Variants in CELF2 observed in about 807,000 individuals in gnomAD.
CELF2 encodes CUGBP Elav-like family member 2.
In CELF2, 8 loss-of-function variants were observed where a neutral mutation model predicts 62.6. The observed-to-expected ratio is 0.13, with a 90% CI of 0.07 to 0.23. The LOEUF is 0.23. CELF2 is among the 10% of genes least tolerant of loss of function. The pLI is 1.00. For synonymous variants in CELF2, 258 were observed against 250.0 expected, an observed-to-expected ratio of 1.03 and a Z score of -0.30; for missense variants, 333 against 671.0, an observed-to-expected ratio of 0.50 and a Z score of 5.56.
At chr10:11,161,249 G>C (rs2065658178) in intron 1 of CELF2, among the ~76,000 whole-genome samples, 1 of 152,206 alleles carries the variant, frequency 6.6e-6, no homozygotes, top group Non-Finnish European at 1.5e-5. Flanking sequence ...TTGCAGACTT[G>C]CGGTCTTATT....
the CELF2 span, among the ~76,000 whole-genome samples, chr10:10,707,652 G>A: frequency 4.6e-5 from 7 of 152,164 alleles, no homozygotes; most frequent in South Asian, 2.1e-4. Context: ...AAGCAGAAGC[G>A]GACGAAATGA....
At chr10:10,467,467 G>A in the CELF2 span, among the ~76,000 whole-genome samples, 1 of 152,078 alleles carries the variant, frequency 6.6e-6, no homozygotes, top group African/African-American at 2.4e-5. Context: ...GTTCCACATT[G>A]TATTGATTAG....
chr10:11,224,236 A>G lies in CELF2; in HGVS notation c.354+6729A>G, dbSNP rs193075045. Among the ~76,000 whole-genome samples, 308 of 152,322 alleles carry G rather than the reference A, an allele frequency of 2.0e-3. 2 individuals carry two copies. Among genetic ancestry groups the G allele is most frequent in the African/African-American group, 7.1e-3 (294 of 41,570 alleles). On this transcript the variant is annotated intron_variant, in intron 3 of 12. Transcript: ENST00000633077. This position sits in a 1 kb window ranked among gnomAD's most constrained non-coding sequence, Gnocchi z 4.5. ...GTAGTCTCAGCTATATCCCTAATTA[A>G]TAGGACTGTTGCCAGGGCTTGTGTG...
chr10:10,729,778 A>G, the CELF2 span, among the ~76,000 whole-genome samples: 2 of 149,154 alleles, frequency 1.3e-5, no homozygotes, highest in African/African-American at 4.9e-5. Context: ...GATTGTCTCA[A>G]AAAAAAAAAA....
Position 11,012,267 on chromosome 10 carries a change from A to T in CELF2, c.53+6827A>T, listed in dbSNP as rs1354259064. On this transcript the variant is annotated intron_variant, in intron 1 of 12. Transcript: ENST00000416382. This position sits in a 1 kb window ranked among gnomAD's most constrained non-coding sequence, Gnocchi z 5.5. ...CATGTACTGGATCAGATATCTTCTG[A>T]TCCTAGTGACCACGAGCTCTTTGGG... 1.3e-5 allele frequency among the ~76,000 whole-genome samples: 2 copies of T among 152,200 alleles called. No individual in the cohort carries two copies. The highest frequency in any genetic ancestry group is 2.9e-5 in the Non-Finnish European group (2 of 68,032).
intron 1 of CELF2, among the ~76,000 whole-genome samples, chr10:10,843,119 G>A (rs1264762346): frequency 1.3e-5 from 2 of 151,872 alleles, no homozygotes; most frequent in African/African-American, 4.8e-5. Flanking sequence ...TTCAACGTCC[G>A]TGGGATTAGT....
At chr10:11,077,858 A>G (rs1395298883) in intron 1 of CELF2, among the ~76,000 whole-genome samples, 3 of 152,178 alleles carry the variant, frequency 2.0e-5, no homozygotes, top group East Asian at 1.9e-4. Context: ...GAAGAAAAAT[A>G]TGTAGGACAA....
chr10:10,888,518 G>T (rs1012969111), intron 1 of CELF2, among the ~76,000 whole-genome samples: 5 of 152,162 alleles, frequency 3.3e-5, no homozygotes, highest in Admixed American at 6.5e-5. Flanking sequence ...GGAAAACAGA[G>T]ACTTCGTTTT....
Position 10,928,242 on chromosome 10 carries a change from G to A in CELF2, c.89+8243G>A, listed in dbSNP as rs544754303. Among the ~76,000 whole-genome samples the A allele has an allele frequency of 6.6e-6, 1 of 152,228 alleles. No individual in the cohort carries two copies. The highest frequency in any genetic ancestry group is 2.1e-4 in the South Asian group (1 of 4,820). On this transcript the variant is annotated intron_variant, in intron 2 of 13. Coordinates refer to the CELF2 transcript ENST00000636488. This position sits in a 1 kb window ranked among gnomAD's most constrained non-coding sequence, Gnocchi z 4.8. ...GCCTGTCCGGTTTATTCCTCCATTT[G>A]TAGGACCCTGAACAGAACTGGCAGT...
rs1041590695 is a variant in CELF2, at chr10:10,993,730, A to G, written c.89+73731A>G. 1.3e-5 allele frequency among the ~76,000 whole-genome samples: 2 copies of G among 152,170 alleles called. No individual in the cohort carries two copies. The highest frequency in any genetic ancestry group is 2.9e-5 in the Non-Finnish European group (2 of 68,038). Reference sequence around the variant, plus strand: ...CCTGGATTGGATGTTTTCAGAAAGCATTGGATATCGATATGGACTCAGCTG... The same window carrying G: ...CCTGGATTGGATGTTTTCAGAAAGCGTTGGATATCGATATGGACTCAGCTG... On this transcript the variant is annotated intron_variant, in intron 2 of 13. Coordinates refer to the CELF2 transcript ENST00000636488. This position sits in a 1 kb window ranked among gnomAD's most constrained non-coding sequence, Gnocchi z 5.3.
Position 11,178,780 on chromosome 10 carries a change from T to A in CELF2, c.271+13098T>A, listed in dbSNP as rs1565118028. ...GAGATAAGAGTGGGGCCTATCGCTC[T>A]GTGGCTTTCTCCCCCTGCATTAGCC... is the stretch of plus-strand genomic sequence containing the variant. On this transcript the variant is annotated intron_variant, in intron 2 of 12. Transcript: ENST00000633077. This position sits in a 1 kb window ranked among gnomAD's most constrained non-coding sequence, Gnocchi z 4.3. Among the ~76,000 whole-genome samples the A allele has an allele frequency of 6.6e-6, 1 of 152,280 alleles. No homozygotes were observed. The highest frequency in any genetic ancestry group is 1.5e-5 in the Non-Finnish European group (1 of 68,056).
intron 1 of CELF2, among the ~76,000 whole-genome samples, chr10:10,820,322 T>A (rs1485674644): frequency 1.3e-5 from 2 of 152,234 alleles, no homozygotes; most frequent in African/African-American, 4.8e-5. Flanking sequence ...GAAAAATCTG[T>A]AACTTGTCCT....
chr10:10,926,768 G>A (rs1279850304), intron 2 of CELF2, among the ~76,000 whole-genome samples: 1 of 152,188 alleles, frequency 6.6e-6, no homozygotes, highest in Non-Finnish European at 1.5e-5. Context: ...GAGAAAGGTA[G>A]GAGTCGGGGT....
chr10:10,668,304 G>A, the CELF2 span, among the ~76,000 whole-genome samples: 315 of 152,180 alleles, frequency 2.1e-3, 1 homozygote, highest in Admixed American at 5.5e-3. Flanking sequence ...ACTGCTCTGC[G>A]TTCCCAACCC....
chr10:10,758,213 C>T, the CELF2 span, among the ~76,000 whole-genome samples: 1 of 152,156 alleles, frequency 6.6e-6, no homozygotes, highest in Non-Finnish European at 1.5e-5. Context: ...GAAATAACAC[C>T]TGGACTGCTG....
the CELF2 span, among the ~76,000 whole-genome samples, chr10:10,761,447 G>C: frequency 6.6e-6 from 1 of 152,324 alleles, no homozygotes; most frequent in East Asian, 1.9e-4. Context: ...TTAATTTTAT[G>C]TGTCAACTTC....
intron 2 of CELF2, among the ~76,000 whole-genome samples, chr10:11,201,420 T>C (rs990489197): frequency 2.6e-5 from 4 of 152,208 alleles, no homozygotes; most frequent in Non-Finnish European, 4.4e-5. Context: ...TTTGTGTGTG[T>C]GTGTGTTTTG....
the CELF2 span, among the ~76,000 whole-genome samples, chr10:10,699,948 C>A: frequency 1.3e-3 from 192 of 152,294 alleles, 1 homozygote; most frequent in African/African-American, 4.5e-3. Context: ...TACGTAGAAG[C>A]AGCAGAGGCC....
the CELF2 span, among the ~76,000 whole-genome samples, chr10:10,613,947 G>A: frequency 6.6e-6 from 1 of 152,160 alleles, no homozygotes; most frequent in Non-Finnish European, 1.5e-5. Flanking sequence ...ACAAGGGCTG[G>A]ATTTTTTTTA....
Sources: gnomAD v4.1 joint callset for allele counts (sites outside exome capture counted in the v4.1 genomes callset) on GRCh38, gnomAD v4.1.1 for gene constraint, Gnocchi (gnomAD v3.1) non-coding constraint, MANE v1.5 for transcripts, NCBI Gene and HGNC (gene_info 2026-07-23, HGNC 2026-07-21) for gene names.